Variants in SETD1A observed in about 807,000 individuals in gnomAD.
SETD1A encodes the protein histone-lysine N-methyltransferase SETD1A.
A neutral mutation model predicts 149.9 loss-of-function variants in SETD1A; 29 were observed. The ratio of observed to expected loss-of-function variants is 0.19; its 90% CI spans 0.14 to 0.26. The LOEUF (loss-of-function observed/expected upper bound fraction) is 0.26, where lower values mean the gene tolerates loss of function less well. Among genes scored for constraint, SETD1A ranks in the 10% least tolerant of loss-of-function variants. SETD1A has a pLI of 1.00. For missense variants in SETD1A, 2,109 were observed against 2,353.1 expected, an observed-to-expected ratio of 0.90 and a Z score of 2.15; for synonymous variants, 1,141 against 968.5, an observed-to-expected ratio of 1.18 and a Z score of -3.31.
Position 30,966,396 on chromosome 16 carries a change from G to T in SETD1A, c.2505+10G>T. The T allele has an allele frequency of 6.3e-7, 1 of 1,595,776 alleles. No individual in the cohort carries two copies. Among genetic ancestry groups the T allele is most frequent in the Non-Finnish European group, 8.5e-7 (1 of 1,169,634 alleles). ...GGAGGAGAAGGCCAAGGTGAGGCCA[G>T]CGCCTGGGACCGGGGAGCCCTGGGC... On this transcript the variant is annotated intron_variant, in intron 8 of 18. Transcript: ENST00000262519.
chr16:30,963,708 AG>A (rs903079077), intron 5 of SETD1A, among the ~76,000 whole-genome samples, 154 bp downstream of exon 5: 7 of 152,316 alleles, frequency 4.6e-5, no homozygotes, highest in African/African-American at 1.4e-4. Context: ...ACAGGGAACT[AG>A]GGGCCAGGCA....
In SETD1A at chr16:30,980,309, TCTC is replaced by T. The variant is rs890331290; in HGVS notation, c.4408+121_4408+123del. 7.6e-6 allele frequency: 11 copies of T among 1,442,270 alleles called. No individual in the cohort carries two copies. In the East Asian group the frequency reaches 9.7e-5, roughly 13 times the overall value. 89.3% of individuals were successfully genotyped at this position (1,442,270 alleles called of 1,614,324 possible). A position where few individuals can be genotyped will look rare whatever the true frequency, so the allele number is the denominator to read the frequency against. On this transcript the variant is annotated intron_variant, in intron 14 of 18. Coordinates refer to ENST00000262519, the MANE Select transcript of SETD1A (RefSeq NM_014712.3). This position sits in a 1 kb window ranked among gnomAD's most constrained non-coding sequence, Gnocchi z 7.7. ...CCCTCTGGCTCCAAGCCATCTTTTC[TCTC>T]CTCCTGGTGCCTCTTTTCTGCCTTC...
Position 30,964,780 on chromosome 16 carries a change from GTCCTCCTCGTCATCCTCT to G in SETD1A, c.1050_1067del (p.Ser352_Ser357del), listed in dbSNP as rs768575294. ...CCGCCTCTTCCTCCTCATTGTCCTC[GTCCTCCTCGTCATCCTCT>G]TCCTCCTCGTCCTCTCAGTTTCGTA... On this transcript the variant is annotated inframe_deletion, in exon 7 of 19. Coordinates refer to ENST00000262519, the MANE Select transcript of SETD1A (RefSeq NM_014712.3). 8 of 1,614,060 alleles carry G rather than the reference GTCCTCCTCGTCATCCTCT, an allele frequency of 5.0e-6. No homozygotes were observed. The highest frequency in any genetic ancestry group is 1.7e-4 in the Middle Eastern group (1 of 6,060).
Position 30,984,038 on chromosome 16 carries a change from G to A in SETD1A, c.*15G>A. On this transcript the variant is annotated 3_prime_UTR_variant, in exon 19 of 19. Coordinates refer to ENST00000262519, the MANE Select transcript of SETD1A (RefSeq NM_014712.3). ...CCCTAAACTGAGGTGGGGCAGGATG[G>A]GTGCCCACACCCCTATTTATTCCCC... is the stretch of plus-strand genomic sequence containing the variant. The A allele has an allele frequency of 6.2e-7, 1 of 1,605,964 alleles. No individual in the cohort carries two copies. Among genetic ancestry groups the A allele is most frequent in the Non-Finnish European group, 8.5e-7 (1 of 1,175,562 alleles).
chr16:30,962,274 A>G (rs1010511919), intron 4 of SETD1A, among the ~76,000 whole-genome samples: 4 of 152,130 alleles, frequency 2.6e-5, no homozygotes, highest in African/African-American at 7.2e-5. Context: ...CCTGTTAGCC[A>G]GGCTGGTCTT....
Position 30,979,515 on chromosome 16 carries a change from G to A in SETD1A, c.3729G>A (p.Glu1243=), listed in dbSNP as rs2056335110. The A allele has an allele frequency of 1.2e-6, 2 of 1,607,126 alleles. No individual in the cohort carries two copies. The highest frequency in any genetic ancestry group is 1.7e-6 in the Non-Finnish European group (2 of 1,177,696). The change falls in exon 14 of 19, where the codon GAG becomes GAA. Residue 1243 remains glutamate (E), a synonymous_variant. Transcript: ENST00000262519. ...AGGRGRLTEE[E]EAEPGTEVDL... is the part of the protein sequence containing the mutation. ...GCCGAGGCCGCCTCACCGAGGAAGA[G>A]GAGGCTGAGCCAGGGACAGAGGTGG...
intron 12 of SETD1A, among the ~76,000 whole-genome samples, chr16:30,971,163 C>G (rs1157297044): frequency 1.3e-5 from 2 of 152,198 alleles, no homozygotes; most frequent in Non-Finnish European, 2.9e-5. Flanking sequence ...TTTCGGGCCT[C>G]TTCAGACAGA....
chr16:30,969,625 TGAG>T lies in SETD1A; in HGVS notation c.2955_2957del (p.Glu986del), dbSNP rs1567356569. ...AGGATGAGGAGGATGACGAGGAAGATGAGGAAGATGAAGATCGAGAGGAAGCTG... is the reference window on the plus strand; with the variant it reads ...AGGATGAGGAGGATGACGAGGAAGATGAAGATGAAGATCGAGAGGAAGCTG... On this transcript the variant is annotated inframe_deletion, in exon 12 of 19. Transcript: ENST00000262519. 6.2e-7 allele frequency: 1 copy of T among 1,613,926 alleles called. No homozygotes were observed. Among genetic ancestry groups the T allele is most frequent in the South Asian group, 1.1e-5 (1 of 90,990 alleles).
chr16:30,980,682 C>T lies in SETD1A; in HGVS notation c.4581+25C>T, dbSNP rs759440743. ...GGTGGGCCTAACCCCGCCGCCGCGT[C>T]CTCCTGCCACTCACTTCCCTGCCCT... On this transcript the variant is annotated intron_variant, in intron 15 of 18. Transcript: ENST00000262519. This position sits in a 1 kb window ranked among gnomAD's most constrained non-coding sequence, Gnocchi z 7.7. The T allele has an allele frequency of 1.6e-5, 25 of 1,610,514 alleles. No individual in the cohort carries two copies. In the Admixed American group the frequency reaches 3.7e-4, roughly 24 times the overall value.
rs760857779 is a variant in SETD1A, at chr16:30,979,186, C to T, written c.3400C>T (p.Pro1134Ser). 2.5e-6 allele frequency: 4 copies of T among 1,590,048 alleles called. No homozygotes were observed. The highest frequency in any genetic ancestry group is 3.4e-6 in the Non-Finnish European group (4 of 1,168,932). The change falls in exon 14 of 19, where the codon CCA becomes TCA. Residue 1134 changes from proline to serine, a missense_variant. Physicochemically the swap from Pro to Ser is moderately conservative, Grantham distance 74. Around this residue, in one of 8 missense-constraint regions of SETD1A, gnomAD observed 832 missense variants for 815.6 expected, o/e 1.02. Coordinates refer to ENST00000262519, the MANE Select transcript of SETD1A (RefSeq NM_014712.3). ...ACCCCCCAGTGCGCCTCTGCGTCCC[C>T]CAGAACCACCTGCTGGGCCCCCGGC... The part of the protein sequence containing the change: ...ESPPSAPLRP[P>S]EPPAGPPAPA...
intron 5 of SETD1A, 108 bp downstream of exon 5, chr16:30,963,662 A>G (rs775035202): frequency 2.7e-5 from 34 of 1,246,388 alleles, no homozygotes; most frequent in Non-Finnish European, 3.7e-5. Context: ...TTAAACAAAG[A>G]AGAGCCAAGC....
At position 30,983,801 on chromosome 16, in the gene SETD1A, T is replaced by G; in HGVS notation, c.4950+29T>G. On this transcript the variant is annotated intron_variant, in intron 18 of 18. Coordinates refer to ENST00000262519, the MANE Select transcript of SETD1A (RefSeq NM_014712.3). This position sits in a 1 kb window ranked among gnomAD's most constrained non-coding sequence, Gnocchi z 6.8. ...CGCCAGGGGCCAGCCGGGGCAGGAG[T>G]TGGGGGTCGGTGGGGGTGGCCACGG... The G allele has an allele frequency of 6.2e-7, 1 of 1,611,886 alleles. No homozygotes were observed.
intron 10 of SETD1A, among the ~76,000 whole-genome samples, chr16:30,968,310 C>T (rs1039117873): frequency 6.9e-6 from 1 of 145,674 alleles, no homozygotes; most frequent in Non-Finnish European, 1.5e-5. Context: ...GGCAGAGGCA[C>T]GAGAATCACT....
At position 30,979,469 on chromosome 16, in the gene SETD1A, G is replaced by A; in HGVS notation, c.3683G>A (p.Gly1228Glu). The change falls in exon 14 of 19, where the codon GGA (glycine) becomes GAA (glutamate). Residue 1228 changes from glycine to glutamate, a missense_variant. Physicochemically the swap from Gly to Glu is moderately conservative, Grantham distance 98 (BLOSUM62 -2). This residue lies in a region of SETD1A where 832 missense variants were observed against 815.6 expected (regional missense o/e 1.02). Transcript: ENST00000262519. ...VKSWPEEVSR[G>E]GRSRAGGRGR... ...AGTTGGCCCGAGGAGGTGTCCCGAG[G>A]AGGCCGGAGCCGGGCTGGAGGCCGA... The A allele has an allele frequency of 6.2e-7, 1 of 1,600,542 alleles. No individual in the cohort carries two copies. Among genetic ancestry groups the A allele is most frequent in the Non-Finnish European group, 8.5e-7 (1 of 1,173,850 alleles).
chr16:30,976,356 G>T (rs1455654612), intron 13 of SETD1A, among the ~76,000 whole-genome samples: 1 of 152,192 alleles, frequency 6.6e-6, no homozygotes, highest in African/African-American at 2.4e-5. Context: ...CCGCTGCACT[G>T]TATCCTGGAG....
Position 30,965,050 on chromosome 16 carries a change from G to T in SETD1A, c.1308G>T (p.Glu436Asp). ...RPPASEAPPP[E>D]PPEPGGGGGG... ...CTGCCTCAGAGGCTCCACCCCCGGAGCCTCCAGAACCTGGTGGAGGCGGGG... is the reference window on the plus strand; with the variant it reads ...CTGCCTCAGAGGCTCCACCCCCGGATCCTCCAGAACCTGGTGGAGGCGGGG... The change falls in exon 7 of 19, where the codon GAG becomes GAT. Residue 436 changes from glutamate (E) to aspartate (D), a missense_variant. By Grantham distance (45) the Glu-to-Asp change is conservative. This residue lies in a region of SETD1A where 410 missense variants were observed against 394.8 expected (regional missense o/e 1.04). Coordinates refer to ENST00000262519, the MANE Select transcript of SETD1A (RefSeq NM_014712.3). 1 of 1,612,442 alleles carries T rather than the reference G, an allele frequency of 6.2e-7. No homozygotes were observed. Among genetic ancestry groups the T allele is most frequent in the East Asian group, 2.2e-5 (1 of 44,862 alleles).
intron 10 of SETD1A, among the ~76,000 whole-genome samples, chr16:30,968,580 A>G (rs1026104815): frequency 3.3e-5 from 5 of 152,004 alleles, no homozygotes; most frequent in Non-Finnish European, 5.9e-5. Context: ...AGGCGGGTGG[A>G]TCACAAGGTC....
At chr16:30,975,730 C>T (rs1166532915) in intron 13 of SETD1A, among the ~76,000 whole-genome samples, 3 of 152,088 alleles carry the variant, frequency 2.0e-5, no homozygotes, top group African/African-American at 7.2e-5. Context: ...TGCGCTTGCC[C>T]CACAACCTCC....
At position 30,983,711 on chromosome 16, in the gene SETD1A, A is replaced by G. The variant is rs113277885; in HGVS notation, c.4889A>G (p.Asp1630Gly). The change falls in exon 18 of 19, where the codon GAC becomes GGC. Residue 1630 changes from aspartate (D) to glycine (G), a missense_variant. Physicochemically the swap from Asp to Gly is moderately conservative, Grantham distance 94. Transcript: ENST00000262519. This position sits in a 1 kb window ranked among gnomAD's most constrained non-coding sequence, Gnocchi z 6.8. ...AGCTACCTGTTCCGGGTGGACCACG[A>G]CACCATCATCGATGCCACCAAGTGT... ...GSSYLFRVDH[D>G]TIIDATKCGN... The G allele has an allele frequency of 6.2e-7, 1 of 1,614,074 alleles. No homozygotes were observed. Among genetic ancestry groups the G allele is most frequent in the Middle Eastern group, 1.6e-4 (1 of 6,062 alleles).
Sources: gnomAD v4.1 joint callset for allele counts (sites outside exome capture counted in the v4.1 genomes callset) on GRCh38, gnomAD v4.1.1 for gene constraint, gnomAD v4.1.1 regional missense constraint, Gnocchi (gnomAD v3.1) non-coding constraint, MANE v1.5 for transcripts, NCBI Gene and HGNC (gene_info 2026-07-23, HGNC 2026-07-21) for gene names.